Variants in CD80 observed in about 807,000 individuals in gnomAD.
The protein encoded by CD80 is T-lymphocyte activation antigen CD80.
CD80 carries 13 observed loss-of-function variants against 27.1 expected under a neutral mutation model. The ratio of observed to expected loss-of-function variants is 0.48; its 90% CI spans 0.31 to 0.76. The LOEUF (loss-of-function observed/expected upper bound fraction) is 0.76. Ranked by LOEUF, CD80 falls within the 30% of genes least tolerant of loss-of-function variation. The probability of loss-of-function intolerance (pLI) is 0.04; values close to 1 mark genes in which losing one functional copy is unlikely to be tolerated. For missense variants in CD80, 277 were observed against 347.9 expected (o/e 0.80, Z 1.62); for synonymous variants, 125 against 125.5 (o/e 1.00, Z 0.03).
At chr3:119,552,842 A>G (rs1428999006) in intron 2 of CD80, among the ~76,000 whole-genome samples, 1 of 152,220 alleles carries the variant, frequency 6.6e-6, no homozygotes, top group Non-Finnish European at 1.5e-5. Flanking sequence ...AGAAATGTCC[A>G]GAATATTCTT....
intron 4 of CD80, among the ~76,000 whole-genome samples, chr3:119,532,397 G>A (rs1217771717): frequency 6.6e-6 from 1 of 151,972 alleles, no homozygotes; most frequent in Non-Finnish European, 1.5e-5. Context: ...GGAGGCTGAA[G>A]CAAGAGAATT....
chr3:119,554,267 T>C (rs2082250954), intron 2 of CD80, among the ~76,000 whole-genome samples: 1 of 152,122 alleles, frequency 6.6e-6, no homozygotes, highest in Non-Finnish European at 1.5e-5. Flanking sequence ...CTGTGAATGG[T>C]GGCACTTTGG....
chr3:119,527,852 A>G lies in CD80; in HGVS notation c.797-11T>C. On this transcript the variant is annotated splice_polypyrimidine_tract_variant and intron_variant, in intron 5 of 6. Coordinates refer to ENST00000264246, the MANE Select transcript of CD80 (RefSeq NM_005191.4). ...ATCTTGGGGCAAAGCCTTGGAGACA[A>G]GAACAAACAATAAAAATGATAAGTA... The G allele has an allele frequency of 6.2e-7, 1 of 1,608,656 alleles. No homozygotes were observed. The highest frequency in any genetic ancestry group is 8.5e-7 in the Non-Finnish European group (1 of 1,175,128).
rs1484018811 is a variant in CD80 at position 119,537,127 on chromosome 3, T to C, written c.700+10A>G. 6.2e-7 allele frequency: 1 copy of C among 1,607,792 alleles called. No individual in the cohort carries two copies. On this transcript the variant is annotated intron_variant, in intron 4 of 6. Coordinates refer to ENST00000264246, the MANE Select transcript of CD80 (RefSeq NM_005191.4). Reference sequence around the variant, plus strand: ...ATATAGTAGAAACTCCCCAGAACAATGTCACTTACTTGTATTCCAGTTGAA... The same window carrying C: ...ATATAGTAGAAACTCCCCAGAACAACGTCACTTACTTGTATTCCAGTTGAA...
chr3:119,557,320 C>T (rs878950377), intron 2 of CD80, among the ~76,000 whole-genome samples: 2 of 152,160 alleles, frequency 1.3e-5, no homozygotes, highest in African/African-American at 4.8e-5. Flanking sequence ...TGTAAATGAG[C>T]ATCTAATATT....
chr3:119,527,059 A>G (rs1351220121), intron 6 of CD80, among the ~76,000 whole-genome samples: 2 of 152,218 alleles, frequency 1.3e-5, no homozygotes, highest in African/African-American at 4.8e-5. Context: ...CATTGTATGT[A>G]GAGTCATTAA....
intron 4 of CD80, among the ~76,000 whole-genome samples, chr3:119,532,604 A>G (rs2082116542): frequency 6.6e-6 from 1 of 152,196 alleles, no homozygotes; most frequent in South Asian, 2.1e-4. Flanking sequence ...TTTCCAAATC[A>G]TATCTACCAG....
In CD80 at chr3:119,527,810, C is replaced by T. The variant is rs1469751694; in HGVS notation, c.828G>A (p.Arg276=). Residue 276 remains arginine, a synonymous_variant, in exon 6 of 7, where the codon AGG becomes AGA. Transcript: ENST00000264246. ...CFAPRCRERR[R]NERLRRESVR... ...CACTTTCCCTTCTCAATCTCTCATTCCTCCTTCTCTCTCTGCATCTTGGGG... is the reference window on the plus strand; with the variant it reads ...CACTTTCCCTTCTCAATCTCTCATTTCTCCTTCTCTCTCTGCATCTTGGGG... 2 of 1,613,968 alleles carry T rather than the reference C, an allele frequency of 1.2e-6. No individual in the cohort carries two copies. Among genetic ancestry groups the T allele is most frequent in the South Asian group, 2.2e-5 (2 of 91,070 alleles).
chr3:119,540,347 T>G (rs1284435277), intron 3 of CD80, among the ~76,000 whole-genome samples: 1 of 152,180 alleles, frequency 6.6e-6, no homozygotes, highest in Admixed American at 6.5e-5. Flanking sequence ...AGGAATGCCT[T>G]GTGGCACCTA....
chr3:119,543,464 T>G (rs1437229059), intron 3 of CD80, among the ~76,000 whole-genome samples: 2 of 148,866 alleles, frequency 1.3e-5, no homozygotes, highest in African/African-American at 4.9e-5. Context: ...GTAGTCTACT[T>G]TTTTTTTTTT....
At chr3:119,554,899 A>G (rs1490954830) in intron 2 of CD80, among the ~76,000 whole-genome samples, 2 of 152,138 alleles carry the variant, frequency 1.3e-5, no homozygotes, top group Non-Finnish European at 2.9e-5. Context: ...ACCTCCTAAT[A>G]GGTTTTGCAC....
intron 6 of CD80, among the ~76,000 whole-genome samples, chr3:119,526,205 T>G (rs1220331119): frequency 6.6e-6 from 1 of 152,050 alleles, no homozygotes; most frequent in African/African-American, 2.4e-5. Flanking sequence ...CAGTAAAGGA[T>G]AGAAGGAAGA....
intron 3 of CD80, chr3:119,544,229 GGTCAA>G (rs2082187644): frequency 3.1e-6 from 1 of 324,718 alleles, no homozygotes; most frequent in Non-Finnish European, 5.8e-6. Flanking sequence ...TATATTGCTG[GGTCAA>G]GTGCAGTTAG....
chr3:119,548,207 C>A (rs1040124717), intron 2 of CD80, among the ~76,000 whole-genome samples: 2 of 152,154 alleles, frequency 1.3e-5, no homozygotes, highest in African/African-American at 4.8e-5. Context: ...GTCTCAAACT[C>A]CTGATCTCAG....
chr3:119,530,383 C>A (rs1232735911), intron 4 of CD80, among the ~76,000 whole-genome samples: 1 of 152,172 alleles, frequency 6.6e-6, no homozygotes, highest in East Asian at 1.9e-4. Context: ...TCACACACAC[C>A]CTTACCTCAC....
At chr3:119,545,747 C>CA (rs1442940890) in intron 2 of CD80, among the ~76,000 whole-genome samples, 1 of 151,678 alleles carries the variant, frequency 6.6e-6, no homozygotes, top group African/African-American at 2.4e-5. Flanking sequence ...CACCCCCCCC[C>CA]ACATTTTGTT....
intron 2 of CD80, among the ~76,000 whole-genome samples, chr3:119,557,014 T>C (rs556341633): frequency 6.6e-6 from 1 of 152,258 alleles, no homozygotes; most frequent in African/African-American, 2.4e-5. Flanking sequence ...AGATTAAAAA[T>C]AACTAAAAAC....
rs558994251 is a variant in CD80 at position 119,531,365 on chromosome 3, A to T, written c.701-1428T>A. 2.0e-5 allele frequency among the ~76,000 whole-genome samples: 3 copies of T among 152,364 alleles called. No individual in the cohort carries two copies. In the South Asian group the frequency reaches 6.2e-4, roughly 32 times the overall value. On this transcript the variant is annotated intron_variant, in intron 4 of 6. Transcript: ENST00000264246. Reference sequence around the variant, plus strand: ...ATTTCTTGTAGGCCTGTGAGGCTGAACACTCTCTGGCTTGATGCCCAGCCT... The same window carrying T: ...ATTTCTTGTAGGCCTGTGAGGCTGATCACTCTCTGGCTTGATGCCCAGCCT...
chr3:119,528,784 G>A (rs891659641), intron 5 of CD80, among the ~76,000 whole-genome samples: 1 of 151,844 alleles, frequency 6.6e-6, no homozygotes, highest in Non-Finnish European at 1.5e-5. Flanking sequence ...AAATTAGTCA[G>A]GCGTGGCAGC....
Sources: allele counts gnomAD v4.1 joint callset (sites outside exome capture counted in the v4.1 genomes callset), GRCh38; gene constraint gnomAD v4.1.1; transcripts MANE v1.5; gene names NCBI Gene and HGNC (gene_info 2026-07-23, HGNC 2026-07-21).